Variants in SRRM4 observed in about 807,000 individuals in gnomAD.
SRRM4 encodes the protein serine/arginine repetitive matrix 4, also known as serine/arginine repetitive matrix protein 4.
SRRM4 carries 33 observed loss-of-function variants against 68.9 expected under a neutral mutation model. That is an observed-to-expected ratio of 0.48 (90% CI 0.36 to 0.64). The LOEUF is 0.64. Ranked by LOEUF, SRRM4 falls within the 30% of genes least tolerant of loss-of-function variation. SRRM4 has a pLI of 0.00. For missense variants in SRRM4, 817 were observed against 827.1 expected (o/e 0.99, Z 0.15); for synonymous variants, 318 against 318.8 (o/e 1.00, Z 0.03).
rs187774964 is a variant in SRRM4, at chr12:119,026,313, C to T, written c.131+44300C>T. On this transcript the variant is annotated intron_variant, in intron 1 of 12. Transcript: ENST00000267260. ...ATATTGACCTAGACTTGGAAGGTGA[C>T]AGGATCACATAGAGAAATGGACAAT... is the stretch of plus-strand genomic sequence containing the variant. Among the ~76,000 whole-genome samples the T allele has an allele frequency of 1.4e-3, 217 of 151,888 alleles. 1 individual carries two copies. Among genetic ancestry groups the T allele is most frequent in the Middle Eastern group, 3.4e-3 (1 of 292 alleles).
chr12:119,115,556 A>C (rs1233760725), intron 3 of SRRM4, among the ~76,000 whole-genome samples: 1 of 152,132 alleles, frequency 6.6e-6, no homozygotes, highest in Non-Finnish European at 1.5e-5. Flanking sequence ...TTTCACAGAC[A>C]CCCCTTAGCC....
rs1954487352 is a variant in SRRM4, at chr12:119,158,370, A to T, written c.*1572A>T. ...TCTTTATCCCTCCCACCCCAGGGAAAACATTTGGAAAATAGTCCTTTTTCT... is the reference window on the plus strand; with the variant it reads ...TCTTTATCCCTCCCACCCCAGGGAATACATTTGGAAAATAGTCCTTTTTCT... On this transcript the variant is annotated 3_prime_UTR_variant, in exon 13 of 13. Coordinates refer to ENST00000267260, the MANE Select transcript of SRRM4 (RefSeq NM_194286.4). 1 of 152,646 alleles carries T rather than the reference A, an allele frequency of 6.6e-6. No individual in the cohort carries two copies. Among genetic ancestry groups the T allele is most frequent in the African/African-American group, 2.4e-5 (1 of 41,452 alleles). 9.5% of individuals were successfully genotyped at this position (152,646 alleles called of 1,614,324 possible).
chr12:118,998,936 A>G (rs1431611140), intron 1 of SRRM4, among the ~76,000 whole-genome samples: 5 of 152,206 alleles, frequency 3.3e-5, no homozygotes, highest in African/African-American at 9.6e-5. Context: ...GGTTTGGGGT[A>G]TAAAGAGATT....
chr12:119,030,616 C>G (rs376835998), intron 1 of SRRM4, among the ~76,000 whole-genome samples: 2 of 152,116 alleles, frequency 1.3e-5, no homozygotes, highest in Non-Finnish European at 2.9e-5. Flanking sequence ...CAGTCTTTTT[C>G]TCTATGCATA....
chr12:119,129,892 G>GATGGATGA (rs1954283486), intron 7 of SRRM4, among the ~76,000 whole-genome samples: 1 of 150,336 alleles, frequency 6.7e-6, no homozygotes, highest in African/African-American at 2.4e-5. Flanking sequence ...TGGATGGATG[G>GATGGATGA]ATGGATGGAT....
chr12:119,041,479 A>C (rs1953668642), intron 1 of SRRM4, among the ~76,000 whole-genome samples: 5 of 152,210 alleles, frequency 3.3e-5, no homozygotes, highest in Admixed American at 3.3e-4. Context: ...TAACTTGCAT[A>C]ATATCAATGG....
chr12:119,041,865 G>C (rs1168155356), intron 1 of SRRM4, among the ~76,000 whole-genome samples: 2 of 152,166 alleles, frequency 1.3e-5, no homozygotes, highest in Admixed American at 6.5e-5. Flanking sequence ...AATGCCTACT[G>C]TCTACAAATA....
At chr12:119,150,258 G>A (rs1204307820) in intron 9 of SRRM4, among the ~76,000 whole-genome samples, 2 of 152,184 alleles carry the variant, frequency 1.3e-5, no homozygotes, top group Non-Finnish European at 1.5e-5. Context: ...GATCATTTGA[G>A]GTCAGGAGTT....
At chr12:119,049,727 T>A (rs1313750096) in intron 1 of SRRM4, among the ~76,000 whole-genome samples, 1 of 152,176 alleles carries the variant, frequency 6.6e-6, no homozygotes, top group Non-Finnish European at 1.5e-5. Context: ...AGGCTGGAAG[T>A]TCAAGATCAA....
At chr12:119,059,267 C>A (rs1049450571) in intron 1 of SRRM4, among the ~76,000 whole-genome samples, 9 of 152,070 alleles carry the variant, frequency 5.9e-5, no homozygotes, top group Non-Finnish European at 1.0e-4. Flanking sequence ...TTTATTCATT[C>A]ATTCATTCAT....
chr12:119,136,927 G>C (rs1954332751), intron 8 of SRRM4, among the ~76,000 whole-genome samples: 1 of 152,092 alleles, frequency 6.6e-6, no homozygotes, highest in Non-Finnish European at 1.5e-5. Context: ...AAAGGACTTT[G>C]TTGTCTTCCC....
chr12:119,067,822 G>A lies in SRRM4; in HGVS notation c.132-34414G>A, dbSNP rs117688409. Among the ~76,000 whole-genome samples, 1,183 of 152,342 alleles carry A rather than the reference G, an allele frequency of 7.8e-3. 10 individuals carry two copies. Among genetic ancestry groups the A allele is most frequent in the Middle Eastern group, 0.017 (5 of 294 alleles). On this transcript the variant is annotated intron_variant, in intron 1 of 12. Transcript: ENST00000267260. ...TGGCCTTGGGCCTGTGATTTAATCTGTCTGAACCTCAGTTTCCTTATCTGT... is the reference window on the plus strand; with the variant it reads ...TGGCCTTGGGCCTGTGATTTAATCTATCTGAACCTCAGTTTCCTTATCTGT...
chr12:119,001,981 T>TC (rs1406108209), intron 1 of SRRM4: 1 of 44,368 alleles, frequency 2.3e-5, no homozygotes, highest in Non-Finnish European at 5.6e-5. Flanking sequence ...AAAACATGTC[T>TC]CAAAAAAAAA....
At chr12:119,042,259 A>G (rs922149218) in intron 1 of SRRM4, among the ~76,000 whole-genome samples, 2 of 151,748 alleles carry the variant, frequency 1.3e-5, no homozygotes, top group African/African-American at 2.4e-5. Flanking sequence ...TGGGTGGGCT[A>G]AAGAGAGCTG....
intron 1 of SRRM4, among the ~76,000 whole-genome samples, chr12:119,097,114 G>A (rs942382934): frequency 6.6e-6 from 1 of 152,092 alleles, no homozygotes; most frequent in African/African-American, 2.4e-5. Flanking sequence ...CAAAGATTTC[G>A]GCTTCTTTTA....
At chr12:119,127,253 GT>G (rs1954267410) in intron 7 of SRRM4, among the ~76,000 whole-genome samples, 1 of 152,122 alleles carries the variant, frequency 6.6e-6, no homozygotes, top group Non-Finnish European at 1.5e-5. Context: ...CTTTATTGGT[GT>G]TTGGAATCGT....
chr12:119,078,052 G>A (rs1953926894), intron 1 of SRRM4, among the ~76,000 whole-genome samples: 1 of 152,138 alleles, frequency 6.6e-6, no homozygotes, highest in Non-Finnish European at 1.5e-5. Flanking sequence ...GGGTCTGCCT[G>A]TGGGTGGTTC....
At chr12:118,989,998 G>A (rs182538372) in intron 1 of SRRM4, 1 of 152,214 alleles carries the variant, frequency 6.6e-6, no homozygotes, top group Non-Finnish European at 1.5e-5. Context: ...ACTTGTGGTG[G>A]GAATGTGTGT....
intron 1 of SRRM4, among the ~76,000 whole-genome samples, chr12:119,038,320 T>C (rs895593053): frequency 5.3e-5 from 8 of 151,916 alleles, no homozygotes; most frequent in Admixed American, 6.6e-5. Flanking sequence ...CATGCCATTC[T>C]CCTGCCTCAG....
Sources: allele counts gnomAD v4.1 joint callset (sites outside exome capture counted in the v4.1 genomes callset), GRCh38; gene constraint gnomAD v4.1.1; transcripts MANE v1.5; gene names NCBI Gene and HGNC (gene_info 2026-07-23, HGNC 2026-07-21).